Variants in IGF2R observed in about 807,000 individuals in gnomAD.
IGF2R encodes the protein insulin like growth factor 2 receptor.
A neutral mutation model predicts 270.6 loss-of-function variants in IGF2R; 91 were observed. The observed-to-expected ratio is 0.34, with a 90% CI of 0.28 to 0.40. The LOEUF (loss-of-function observed/expected upper bound fraction) is 0.40, where lower values mean the gene tolerates loss of function less well. Ranked by LOEUF, IGF2R falls within the 10% of genes least tolerant of loss-of-function variation. IGF2R has a pLI of 1.00. For synonymous variants in IGF2R, 1,316 were observed against 1,258.9 expected, an observed-to-expected ratio of 1.05 and a Z score of -0.96; for missense variants, 2,805 against 3,188.3, an observed-to-expected ratio of 0.88 and a Z score of 2.90.
rs1779591583 is a variant in IGF2R, at chr6:160,105,376, C to G, written c.*292C>G. On this transcript the variant is annotated 3_prime_UTR_variant, in exon 48 of 48. Transcript: ENST00000356956. ...GCATAAGGCCGGACGCATCTCAAAA[C>G]AGAGGGCTGCATTCGAAGAAACCCT... 3.3e-6 allele frequency: 1 copy of G among 305,486 alleles called. No homozygotes were observed. Among genetic ancestry groups the G allele is most frequent in the South Asian group, 1.0e-4 (1 of 10,048 alleles). 18.9% of individuals were successfully genotyped at this position (305,486 alleles called of 1,614,324 possible). A position where few individuals can be genotyped will look rare whatever the true frequency, so the allele number is the denominator to read the frequency against.
chr6:160,043,145 C>T lies in IGF2R; in HGVS notation c.1481-3C>T, dbSNP rs768392960. 6.2e-7 allele frequency: 1 copy of T among 1,613,738 alleles called. No individual in the cohort carries two copies. On this transcript the variant is annotated splice_polypyrimidine_tract_variant and splice_region_variant and intron_variant, in intron 11 of 47. Coordinates refer to ENST00000356956, the MANE Select transcript of IGF2R (RefSeq NM_000876.4). ...GCTAAAATACACTTTTGTTTTGTTA[C>T]AGAACCAGAGCAGAATTGGGAAGCT...
chr6:160,103,452 G>A (rs1307222175), intron 46 of IGF2R, among the ~76,000 whole-genome samples: 1 of 152,202 alleles, frequency 6.6e-6, no homozygotes, highest in Non-Finnish European at 1.5e-5. Context: ...TAGTGGCGAC[G>A]GACTGGTGTG....
chr6:160,076,192 AG>A (rs1236029417), intron 36 of IGF2R, among the ~76,000 whole-genome samples, 196 bp downstream of exon 36: 3 of 152,288 alleles, frequency 2.0e-5, no homozygotes, highest in African/African-American at 7.2e-5. Flanking sequence ...CGCAGTTAAC[AG>A]CATATAGAAA....
chr6:160,107,944 A>C lies in IGF2R; in HGVS notation c.*2860A>C, dbSNP rs1779657729. The C allele has an allele frequency of 6.6e-6, 1 of 152,222 alleles. No individual in the cohort carries two copies. The highest frequency in any genetic ancestry group is 6.5e-5 in the Admixed American group (1 of 15,290). 9.4% of individuals were successfully genotyped at this position (152,222 alleles called of 1,614,324 possible). A position where few individuals can be genotyped will look rare whatever the true frequency, so the allele number is the denominator to read the frequency against. ...ACAAACAAGGACCTTCACACGACTA[A>C]GATGCCACCTGGTGATTAAAGAACA... On this transcript the variant is annotated 3_prime_UTR_variant, in exon 48 of 48. Transcript: ENST00000356956.
At chr6:159,972,772 T>C (rs960680481) in intron 1 of IGF2R, among the ~76,000 whole-genome samples, 2 of 152,228 alleles carry the variant, frequency 1.3e-5, no homozygotes, top group Non-Finnish European at 2.9e-5. Context: ...CAGCTTTAAC[T>C]GTGTCCGTGC....
At position 160,076,183 on chromosome 6, in the gene IGF2R, G is replaced by A. The variant is rs113838575; in HGVS notation, c.5316+187G>A. ...GATTGAGGGCTGAGTGAGCTCCCCCGCAGTTAACAGCATATAGAAACTTGC... is the reference window on the plus strand; with the variant it reads ...GATTGAGGGCTGAGTGAGCTCCCCCACAGTTAACAGCATATAGAAACTTGC... On this transcript the variant is annotated intron_variant, in intron 36 of 47. Coordinates refer to ENST00000356956, the MANE Select transcript of IGF2R (RefSeq NM_000876.4). Among the ~76,000 whole-genome samples, 534 of 152,342 alleles carry A rather than the reference G, an allele frequency of 3.5e-3. 5 individuals carry two copies. Among genetic ancestry groups the A allele is most frequent in the African/African-American group, 0.012 (512 of 41,580 alleles).
chr6:160,017,688 T>C (rs183056348), intron 4 of IGF2R, among the ~76,000 whole-genome samples: 33 of 152,248 alleles, frequency 2.2e-4, no homozygotes, highest in Admixed American at 2.0e-3. Context: ...GCCAGAGAGA[T>C]TGGGTTTCTC....
At chr6:159,975,634 C>T (rs1399528211) in intron 1 of IGF2R, among the ~76,000 whole-genome samples, 4 of 148,586 alleles carry the variant, frequency 2.7e-5, no homozygotes, top group Non-Finnish European at 5.9e-5. Flanking sequence ...TGGAAGTTGG[C>T]AGCCAGAAAC....
At chr6:159,970,339 C>T (rs1341651571) in intron 1 of IGF2R, among the ~76,000 whole-genome samples, 1 of 152,128 alleles carries the variant, frequency 6.6e-6, no homozygotes, top group Non-Finnish European at 1.5e-5. Context: ...ACAACAGTTT[C>T]TCCCTGTTAC....
chr6:160,009,496 T>G (rs1361646704), intron 3 of IGF2R, among the ~76,000 whole-genome samples: 1 of 152,208 alleles, frequency 6.6e-6, no homozygotes, highest in Non-Finnish European at 1.5e-5. Flanking sequence ...TTTAGTTTTT[T>G]AAAAAATATT....
intron 20 of IGF2R, among the ~76,000 whole-genome samples, chr6:160,057,762 CT>C: frequency 6.6e-6 from 1 of 152,252 alleles, no homozygotes; most frequent in South Asian, 2.1e-4. Context: ...TAGCAATAGT[CT>C]TCTTAGGGAA....
chr6:160,080,009 C>A, intron 38 of IGF2R, 120 bp from the exon 39 acceptor site: 2 of 1,245,918 alleles, frequency 1.6e-6, no homozygotes, highest in Non-Finnish European at 2.3e-6. Context: ...CAGGTGAATG[C>A]CGGTTGTCAC....
intron 26 of IGF2R, among the ~76,000 whole-genome samples, chr6:160,063,106 C>T (rs1394964992): frequency 4.0e-5 from 6 of 149,040 alleles, no homozygotes; most frequent in Admixed American, 2.0e-4. Context: ...GGCGCCATCT[C>T]GGCTCACTGC....
rs752625370 is a variant in IGF2R at position 160,061,586 on chromosome 6, A to C, written c.3346A>C (p.Arg1116=). Reference sequence around the variant, plus strand: ...GGCTGTTGACACCTCTGTCGATGGGAGAAAGAGGACTTTCTATTTGAGCGT... The same window carrying C: ...GGCTGTTGACACCTCTGTCGATGGGCGAAAGAGGACTTTCTATTTGAGCGT... ...WTAVDTSVDG[R]KRTFYLSVCN... Residue 1116 remains arginine (R), a synonymous_variant, in exon 24 of 48, where the codon AGA becomes CGA. Transcript: ENST00000356956. 1.2e-6 allele frequency: 2 copies of C among 1,613,926 alleles called. No homozygotes were observed. The highest frequency in any genetic ancestry group is 2.2e-5 in the South Asian group (2 of 91,082).
chr6:160,033,475 A>G (rs540770001), intron 9 of IGF2R, among the ~76,000 whole-genome samples: 10 of 152,364 alleles, frequency 6.6e-5, no homozygotes, highest in Admixed American at 5.9e-4. Flanking sequence ...CTTGTGAAAC[A>G]TAACTCCCTC....
Position 160,068,283 on chromosome 6 carries a change from C to T in IGF2R, c.4150C>T (p.Leu1384=). ...GAGNSFDLSS[L]SRYSDNWEAI... is the part of the protein sequence containing the mutation. ...TGGCAACTCCTTCGACCTCTCGTCCCTGTCAAGGTACAGTGACAACTGGGA... is the reference window on the plus strand; with the variant it reads ...TGGCAACTCCTTCGACCTCTCGTCCTTGTCAAGGTACAGTGACAACTGGGA... The change falls in exon 30 of 48, where the codon CTG becomes TTG. Residue 1384 remains leucine, a synonymous_variant. Coordinates refer to ENST00000356956, the MANE Select transcript of IGF2R (RefSeq NM_000876.4). 6.2e-7 allele frequency: 1 copy of T among 1,614,266 alleles called. No individual in the cohort carries two copies. The highest frequency in any genetic ancestry group is 8.5e-7 in the Non-Finnish European group (1 of 1,180,052).
chr6:160,013,998 C>G (rs1777210816), intron 4 of IGF2R, among the ~76,000 whole-genome samples: 1 of 152,314 alleles, frequency 6.6e-6, no homozygotes, highest in East Asian at 1.9e-4. Context: ...TTGCTTTCTA[C>G]ATCTTACTAA....
intron 2 of IGF2R, among the ~76,000 whole-genome samples, chr6:160,002,180 C>A (rs185629080): frequency 1.7e-4 from 26 of 152,064 alleles, no homozygotes; most frequent in Admixed American, 1.6e-3. Context: ...CACTTGAGCC[C>A]AGAAGTTTGA....
intron 12 of IGF2R, among the ~76,000 whole-genome samples, chr6:160,044,010 A>C (rs1458901785): frequency 4.6e-5 from 7 of 152,214 alleles, no homozygotes; most frequent in African/African-American, 1.7e-4. Context: ...TTATAACAAA[A>C]AGCAAGTGAA....
Sources: allele counts gnomAD v4.1 joint callset (sites outside exome capture counted in the v4.1 genomes callset), GRCh38; gene constraint gnomAD v4.1.1; transcripts MANE v1.5; gene names NCBI Gene and HGNC (gene_info 2026-07-23, HGNC 2026-07-21).